UBN1: variants seen among roughly 807,000 people sequenced by gnomAD.
UBN1 encodes ubinuclein 1.
UBN1 carries 17 observed loss-of-function variants against 108.5 expected under a neutral mutation model. The ratio of observed to expected loss-of-function variants is 0.16; its 90% CI spans 0.11 to 0.24. The LOEUF (loss-of-function observed/expected upper bound fraction) is 0.24. UBN1 is among the 10% of genes least tolerant of loss of function. UBN1 has a pLI of 1.00. For missense variants in UBN1, 1,595 were observed against 1,394.4 expected, an observed-to-expected ratio of 1.14 and a Z score of -2.29; for synonymous variants, 726 against 564.2, an observed-to-expected ratio of 1.29 and a Z score of -4.07.
At chr16:4,857,702 C>T (rs1158985969) in intron 2 of UBN1, among the ~76,000 whole-genome samples, 5 of 152,278 alleles carry the variant, frequency 3.3e-5, no homozygotes, top group African/African-American at 4.8e-5. Context: ...GGTTGTGTAG[C>T]GACTGGGCAT....
chr16:4,869,147 T>C (rs1037429738), intron 8 of UBN1, among the ~76,000 whole-genome samples: 1 of 152,194 alleles, frequency 6.6e-6, no homozygotes, highest in Non-Finnish European at 1.5e-5. Flanking sequence ...CAGCAGGCAT[T>C]AATAACATGT....
intron 7 of UBN1, among the ~76,000 whole-genome samples, chr16:4,864,907 A>AT (rs1284613274): frequency 1.3e-5 from 2 of 152,224 alleles, no homozygotes; most frequent in Non-Finnish European, 2.9e-5. Flanking sequence ...TTTAAAAAAA[A>AT]TCATGCCCGA....
chr16:4,853,335 G>A (rs1449708918), intron 2 of UBN1, among the ~76,000 whole-genome samples, 169 bp downstream of exon 2: 1 of 152,128 alleles, frequency 6.6e-6, no homozygotes, highest in Non-Finnish European at 1.5e-5. Context: ...ACCTCTGTGC[G>A]CAAAGGGAGA....
Position 4,880,525 on chromosome 16 carries a change from T to C in UBN1, c.*393T>C, listed in dbSNP as rs1428857558. The C allele has an allele frequency of 1.0e-5, 2 of 196,026 alleles. No individual in the cohort carries two copies. Among genetic ancestry groups the C allele is most frequent in the East Asian group, 2.1e-4 (2 of 9,598 alleles). 12.1% of individuals were successfully genotyped at this position (196,026 alleles called of 1,614,324 possible). Reference sequence around the variant, plus strand: ...GTCAGAGTACCTCAGAGCACCCCACTGCTCAGGGGCTCCTTCTGGCTGCAG... The same window carrying C: ...GTCAGAGTACCTCAGAGCACCCCACCGCTCAGGGGCTCCTTCTGGCTGCAG... On this transcript the variant is annotated 3_prime_UTR_variant, in exon 18 of 18. Transcript: ENST00000262376.
chr16:4,866,102 T>C (rs2087317344), intron 7 of UBN1, among the ~76,000 whole-genome samples: 1 of 152,244 alleles, frequency 6.6e-6, no homozygotes, highest in Non-Finnish European at 1.5e-5. Flanking sequence ...TTCTCGATCT[T>C]AAAACTAGCA....
intron 7 of UBN1, among the ~76,000 whole-genome samples, chr16:4,861,708 G>A (rs1567911864): frequency 6.6e-6 from 1 of 152,212 alleles, no homozygotes. Context: ...TTGGGAGGCC[G>A]AGGTGGGCGG....
At position 4,868,874 on chromosome 16, in the gene UBN1, C is replaced by T. The variant is rs767603564; in HGVS notation, c.1152C>T (p.Phe384=). The change falls in exon 8 of 18, where the codon TTC becomes TTT. Residue 384 remains phenylalanine, a synonymous_variant. Coordinates refer to ENST00000262376, the MANE Select transcript of UBN1 (RefSeq NM_001079514.3). ...AAEGESRQKF[F]TQDINGILLD... ...AGGGGGAGAGCAGACAGAAGTTCTT[C>T]ACCCAGGATATTAATGGAATCCTAT... The T allele has an allele frequency of 2.5e-6, 4 of 1,613,816 alleles. No individual in the cohort carries two copies.
chr16:4,858,479 C>A, intron 3 of UBN1, 89 bp from the exon 4 acceptor site: 1 of 1,201,846 alleles, frequency 8.3e-7, no homozygotes, highest in Non-Finnish European at 1.2e-6. Flanking sequence ...TGCATTACCT[C>A]TTTGAGTCAT....
chr16:4,878,584 G>A (rs1350683927), intron 17 of UBN1, among the ~76,000 whole-genome samples: 1 of 152,190 alleles, frequency 6.6e-6, no homozygotes, highest in African/African-American at 2.4e-5. Flanking sequence ...TCCTTTCCTT[G>A]GGAGGAGAAG....
intron 2 of UBN1, among the ~76,000 whole-genome samples, chr16:4,855,788 G>A (rs2086781882): frequency 6.6e-6 from 1 of 152,046 alleles, no homozygotes; most frequent in South Asian, 2.1e-4. Context: ...GTGTGGTAGT[G>A]CATGCATGTA....
chr16:4,851,283 G>A (rs2086544041), intron 1 of UBN1, among the ~76,000 whole-genome samples: 1 of 152,020 alleles, frequency 6.6e-6, no homozygotes, highest in Non-Finnish European at 1.5e-5. Flanking sequence ...TGGGCAACAT[G>A]GCAAAACAAC....
intron 15 of UBN1, 27 bp downstream of exon 15, chr16:4,875,461 C>T (rs762053911): frequency 1.3e-6 from 2 of 1,579,906 alleles, no homozygotes; most frequent in South Asian, 1.2e-5. Context: ...GCAGCCTGCC[C>T]TGCCCCACTC....
At chr16:4,859,214 A>G (rs1473199814) in intron 5 of UBN1, 55 bp downstream of exon 5, 1 of 1,589,014 alleles carries the variant, frequency 6.3e-7, no homozygotes, top group Non-Finnish European at 8.5e-7. Context: ...TGACCCTATC[A>G]GATCAGTAGG....
At chr16:4,858,770 A>T (rs990133621) in intron 4 of UBN1, 107 bp downstream of exon 4, 19 of 1,096,272 alleles carry the variant, frequency 1.7e-5, no homozygotes, top group Non-Finnish European at 2.5e-5. Flanking sequence ...CCCTCTTCCC[A>T]GCATGAGGCA....
chr16:4,871,759 T>C (rs536156580), intron 12 of UBN1, among the ~76,000 whole-genome samples: 1 of 151,992 alleles, frequency 6.6e-6, no homozygotes, highest in South Asian at 2.1e-4. Context: ...GCTAATTTTT[T>C]GTATTTTTAG....
intron 8 of UBN1, 73 bp from the exon 9 acceptor site, chr16:4,870,139 C>T: frequency 1.3e-6 from 2 of 1,599,078 alleles, no homozygotes; most frequent in South Asian, 1.1e-5. Flanking sequence ...CTTTCCTCTC[C>T]ACGTACGGTG....
chr16:4,871,138 T>G lies in UBN1; in HGVS notation c.1560-17T>G. The G allele has an allele frequency of 1.2e-6, 2 of 1,613,490 alleles. No homozygotes were observed. Among genetic ancestry groups the G allele is most frequent in the Non-Finnish European group, 1.7e-6 (2 of 1,179,820 alleles). On this transcript the variant is annotated splice_polypyrimidine_tract_variant and intron_variant, in intron 11 of 17. Transcript: ENST00000262376. The stretch of plus-strand genomic sequence containing the variant: ...TCTGAAGTAGTTTGGAGTTTCTGAT[T>G]TCTGCCTCCTTCTCAGGGAGCTACT...
chr16:4,880,280 T>C lies in UBN1; in HGVS notation c.*148T>C. On this transcript the variant is annotated 3_prime_UTR_variant, in exon 18 of 18. Coordinates refer to ENST00000262376, the MANE Select transcript of UBN1 (RefSeq NM_001079514.3). ...TCAGCGGAGCGCTTCTCGGCACTTC[T>C]GATGTGCCTCCCATGGAGGGAGCCG... is the stretch of plus-strand genomic sequence containing the variant. 1.1e-6 allele frequency: 1 copy of C among 887,184 alleles called. No homozygotes were observed. The allele number at this position is 887,184 out of a possible 1,614,324, so 55.0% of individuals were successfully genotyped here.
At chr16:4,857,658 A>G (rs1202194871) in intron 2 of UBN1, among the ~76,000 whole-genome samples, 1 of 152,202 alleles carries the variant, frequency 6.6e-6, no homozygotes, top group African/African-American at 2.4e-5. Context: ...AGAAAATTTT[A>G]AGAGTTACAA....
Sources: allele counts gnomAD v4.1 joint callset (sites outside exome capture counted in the v4.1 genomes callset), GRCh38; gene constraint gnomAD v4.1.1; transcripts MANE v1.5; gene names NCBI Gene and HGNC (gene_info 2026-07-23, HGNC 2026-07-21).